Variants in DMP1 observed in about 807,000 individuals in gnomAD.
DMP1 encodes dentin matrix acidic phosphoprotein 1.
In DMP1, 20 loss-of-function variants were observed where a neutral mutation model predicts 14.6. The ratio of observed to expected loss-of-function variants is 1.37; its 90% CI spans 0.96 to 1.99. The LOEUF is 1.99. Ranked by LOEUF, DMP1 falls within the 30% of genes most tolerant of loss-of-function variation. DMP1 has a pLI of 0.00. For synonymous variants in DMP1, 197 were observed against 215.3 expected, an observed-to-expected ratio of 0.91 and a Z score of 0.75; for missense variants, 567 against 620.5, an observed-to-expected ratio of 0.91 and a Z score of 0.92.
At chr4:87,653,494 T>C (rs1344487244) in intron 1 of DMP1, among the ~76,000 whole-genome samples, 1 of 145,466 alleles carries the variant, frequency 6.9e-6, no homozygotes, top group Non-Finnish European at 1.5e-5. Context: ...GGCACGATCA[T>C]GGCTCAGTGC....
Position 87,656,584 on chromosome 4 carries a change from C to G in DMP1, c.54+38C>G, listed in dbSNP as rs373552880. 204 of 1,412,110 alleles carry G rather than the reference C, an allele frequency of 1.4e-4. No individual in the cohort carries two copies. In the African/African-American group the frequency reaches 2.7e-3, roughly 19 times the overall value. 87.5% of individuals were successfully genotyped at this position (1,412,110 alleles called of 1,614,324 possible). A position where few individuals can be genotyped will look rare whatever the true frequency, so the allele number is the denominator to read the frequency against. The stretch of plus-strand genomic sequence containing the variant: ...GTAGGGATATATGAAAAAACCCTTT[C>G]ATACTTAAAACTCCACAATTTTGAT... On this transcript the variant is annotated intron_variant, in intron 2 of 5. Transcript: ENST00000339673.
intron 1 of DMP1, among the ~76,000 whole-genome samples, chr4:87,653,262 A>G (rs1033042504): frequency 1.3e-5 from 2 of 151,352 alleles, no homozygotes; most frequent in Non-Finnish European, 2.9e-5. Flanking sequence ...AGAAATGAGA[A>G]GCCTGTTCAG....
At chr4:87,661,864 G>A in intron 5 of DMP1, 98 bp from the exon 6 acceptor site, 1 of 1,602,362 alleles carries the variant, frequency 6.2e-7, no homozygotes. Flanking sequence ...AGGAGGGGAT[G>A]TAGGGCGAAG....
Position 87,661,958 on chromosome 4 carries a change from C to A in DMP1, c.184-4C>A, listed in dbSNP as rs772359727. ...TGACCATATCTGTTAACCCCAAATTCTAGGCAAATGAAGACCCCAGTGACA... is the reference window on the plus strand; with the variant it reads ...TGACCATATCTGTTAACCCCAAATTATAGGCAAATGAAGACCCCAGTGACA... On this transcript the variant is annotated splice_region_variant and splice_polypyrimidine_tract_variant and intron_variant, in intron 5 of 5. Coordinates refer to ENST00000339673, the MANE Select transcript of DMP1 (RefSeq NM_004407.4). 10 of 1,613,984 alleles carry A rather than the reference C, an allele frequency of 6.2e-6. No individual in the cohort carries two copies. In the African/African-American group the frequency reaches 1.3e-4, roughly 22 times the overall value.
intron 1 of DMP1, among the ~76,000 whole-genome samples, chr4:87,652,002 C>T (rs1013300987): frequency 3.9e-5 from 6 of 152,162 alleles, no homozygotes; most frequent in Non-Finnish European, 2.9e-5. Flanking sequence ...TGGCTACACA[C>T]CTGAAATCTT....
In DMP1 at chr4:87,662,281, T is replaced by G. The variant is rs1223133283; in HGVS notation, c.503T>G (p.Leu168Arg). ...AQDTTSESRE[L>R]DNEDRVDSKP... ...GATACCACCAGTGAGAGCAGGGAAC[T>G]TGACAATGAGGACCGGGTGGACAGC... The change falls in exon 6 of 6, where the codon CTT (leucine) becomes CGT (arginine). Residue 168 changes from leucine to arginine, a missense_variant. Transcript: ENST00000339673. The G allele has an allele frequency of 6.2e-7, 1 of 1,613,822 alleles. No homozygotes were observed. Among genetic ancestry groups the G allele is most frequent in the African/African-American group, 1.3e-5 (1 of 74,856 alleles).
chr4:87,652,399 A>G (rs1303607839), intron 1 of DMP1, among the ~76,000 whole-genome samples: 1 of 152,214 alleles, frequency 6.6e-6, no homozygotes, highest in Non-Finnish European at 1.5e-5. Flanking sequence ...CAGAAATACC[A>G]AATGCAAACC....
Position 87,662,162 on chromosome 4 carries a change from A to G in DMP1, c.384A>G (p.Glu128=). 5 of 1,614,238 alleles carry G rather than the reference A, an allele frequency of 3.1e-6. No homozygotes were observed. The highest frequency in any genetic ancestry group is 3.3e-4 in the Middle Eastern group (2 of 6,062). ...DSGPGPKDRQ[E]GGNSRLGSDE... ...GCCCAGGGCCCAAAGACAGACAAGA[A>G]GGAGGAAACTCCAGACTGGGAAGTG... The change falls in exon 6 of 6, where the codon GAA becomes GAG. Residue 128 remains glutamate (E), a synonymous_variant. Transcript: ENST00000339673.
rs1194377044 is a variant in DMP1, at chr4:87,663,161, A to T, written c.1383A>T (p.Arg461Ser). Reference sequence around the variant, plus strand: ...ACAGTGACTCTCAAGACAGCAGCAGATCCAAAGAAGATAGCAACTCCACGG... The same window carrying T: ...ACAGTGACTCTCAAGACAGCAGCAGTTCCAAAGAAGATAGCAACTCCACGG... ...EDDSDSQDSS[R>S]SKEDSNSTES... The change falls in exon 6 of 6, where the codon AGA becomes AGT. Residue 461 changes from arginine (R) to serine (S), a missense_variant. By Grantham distance (110) the Arg-to-Ser change is moderately radical. Transcript: ENST00000339673. The T allele has an allele frequency of 6.2e-7, 1 of 1,614,198 alleles. No homozygotes were observed. The highest frequency in any genetic ancestry group is 1.7e-5 in the Admixed American group (1 of 60,028).
intron 2 of DMP1, among the ~76,000 whole-genome samples, 163 bp downstream of exon 2, chr4:87,656,709 A>T (rs1728708455): frequency 6.6e-6 from 1 of 152,194 alleles, no homozygotes; most frequent in South Asian, 2.1e-4. Flanking sequence ...GGTGTTTTTT[A>T]TTCTGTTCAG....
intron 3 of DMP1, among the ~76,000 whole-genome samples, chr4:87,658,297 T>C (rs1286909808): frequency 6.6e-6 from 1 of 152,230 alleles, no homozygotes. Flanking sequence ...AGCTCCTCCC[T>C]GCTCTACTTT....
intron 1 of DMP1, among the ~76,000 whole-genome samples, chr4:87,651,120 C>A (rs1728522044): frequency 6.6e-6 from 1 of 152,152 alleles, no homozygotes; most frequent in South Asian, 2.1e-4. Context: ...TGTGTTTTAG[C>A]AACTTGTCTT....
Position 87,662,760 on chromosome 4 carries a change from G to A in DMP1, c.982G>A (p.Glu328Lys). 1 of 1,613,884 alleles carries A rather than the reference G, an allele frequency of 6.2e-7. No homozygotes were observed. Among genetic ancestry groups the A allele is most frequent in the South Asian group, 1.1e-5 (1 of 91,076 alleles). Residue 328 changes from glutamate to lysine, a missense_variant, in exon 6 of 6, where the codon GAA (glutamate) becomes AAA (lysine). Physicochemically the swap from Glu to Lys is moderately conservative, Grantham distance 56. Transcript: ENST00000339673. Reference sequence around the variant, plus strand: ...AGACAGCAAGGAGAATCTGTCCCAGGAAGAGAGCCAAAACGTAGATGGTCC... The same window carrying A: ...AGACAGCAAGGAGAATCTGTCCCAGAAAGAGAGCCAAAACGTAGATGGTCC... ...QEDSKENLSQ[E>K]ESQNVDGPSS...
Position 87,664,024 on chromosome 4 carries a change from A to G in DMP1, c.*704A>G, listed in dbSNP as rs938192012. 2.0e-5 allele frequency: 3 copies of G among 151,900 alleles called. No homozygotes were observed. The highest frequency in any genetic ancestry group is 7.3e-5 in the African/African-American group (3 of 41,280). 9.4% of individuals were successfully genotyped at this position (151,900 alleles called of 1,614,324 possible). A position where few individuals can be genotyped will look rare whatever the true frequency, so the allele number is the denominator to read the frequency against. ...ATTATGGCACAGTGAGTTGTTTTGG[A>G]TAAGAAAATCTTTTTCTCCCAATTA... On this transcript the variant is annotated 3_prime_UTR_variant, in exon 6 of 6. Transcript: ENST00000339673.
chr4:87,659,599 C>A, intron 5 of DMP1, 121 bp downstream of exon 5: 1 of 948,972 alleles, frequency 1.1e-6, no homozygotes, highest in Non-Finnish European at 1.7e-6. Context: ...GTTATGCTGG[C>A]TAAAGAGTCC....
chr4:87,658,924 T>C, intron 3 of DMP1: 2 of 397,080 alleles, frequency 5.0e-6, no homozygotes, highest in South Asian at 6.5e-5. Context: ...CTGTGTTACG[T>C]TTCCTCTAGG....
In DMP1 at chr4:87,662,758, A is replaced by G. The variant is rs1560494490; in HGVS notation, c.980A>G (p.Gln327Arg). 6.2e-7 allele frequency: 1 copy of G among 1,613,988 alleles called. No individual in the cohort carries two copies. Among genetic ancestry groups the G allele is most frequent in the Non-Finnish European group, 8.5e-7 (1 of 1,179,900 alleles). Reference protein sequence around the residue: ...SQEDSKENLSQEESQNVDGPS... With the variant: ...SQEDSKENLSREESQNVDGPS... ...GAAGACAGCAAGGAGAATCTGTCCC[A>G]GGAAGAGAGCCAAAACGTAGATGGT... is the stretch of plus-strand genomic sequence containing the variant. The change falls in exon 6 of 6, where the codon CAG becomes CGG. Residue 327 changes from glutamine (Q) to arginine (R), a missense_variant. Transcript: ENST00000339673.
intron 1 of DMP1, among the ~76,000 whole-genome samples, chr4:87,652,426 A>C (rs1218549916): frequency 6.6e-6 from 1 of 152,160 alleles, no homozygotes; most frequent in African/African-American, 2.4e-5. Flanking sequence ...GGGGTTTAAG[A>C]TCTGATTTTC....
At chr4:87,654,410 T>C (rs1326388989) in intron 1 of DMP1, among the ~76,000 whole-genome samples, 1 of 152,202 alleles carries the variant, frequency 6.6e-6, no homozygotes, top group Non-Finnish European at 1.5e-5. Context: ...GCCTTCATTA[T>C]GGAGTATTGT....
Sources: allele counts gnomAD v4.1 joint callset (sites outside exome capture counted in the v4.1 genomes callset), GRCh38; gene constraint gnomAD v4.1.1; transcripts MANE v1.5; gene names NCBI Gene and HGNC (gene_info 2026-07-23, HGNC 2026-07-21).